The following DSCAML1 variants were observed in gnomAD, a reference collection of about 807,000 sequenced individuals.
The protein encoded by DSCAML1 is cell adhesion molecule DSCAML1.
A neutral mutation model predicts 200.5 loss-of-function variants in DSCAML1; 38 were observed. The observed-to-expected ratio is 0.19, with a 90% CI of 0.15 to 0.25. The LOEUF (loss-of-function observed/expected upper bound fraction) is 0.25. Ranked by LOEUF, DSCAML1 falls within the 10% of genes least tolerant of loss-of-function variation. DSCAML1 has a pLI of 1.00. For missense variants in DSCAML1, 2,223 were observed against 2,858.8 expected, an observed-to-expected ratio of 0.78 and a Z score of 5.07; for synonymous variants, 1,215 against 1,165.0, an observed-to-expected ratio of 1.04 and a Z score of -0.87.
At chr11:117,577,368 C>T (rs2050950173) in intron 3 of DSCAML1, among the ~76,000 whole-genome samples, 1 of 151,982 alleles carries the variant, frequency 6.6e-6, no homozygotes, top group African/African-American at 2.4e-5. Flanking sequence ...ACTATGTAGC[C>T]AAGTAAGATT....
At chr11:117,795,698 C>T (rs11216547) in intron 1 of DSCAML1, among the ~76,000 whole-genome samples, 32,282 of 152,072 alleles carry the variant, frequency 0.21, 3,522 homozygotes, top group Middle Eastern at 0.27. Flanking sequence ...GGCTTTGACC[C>T]GGCAGTATCT....
intron 3 of DSCAML1, among the ~76,000 whole-genome samples, chr11:117,761,660 G>A (rs4344529): frequency 0.69 from 104,455 of 152,098 alleles, 37,995 homozygotes; most frequent in East Asian, 0.84. Context: ...CACTGTAGTC[G>A]AGGAGTTCAA....
At chr11:117,533,948 G>A (rs1478176715) in intron 3 of DSCAML1, among the ~76,000 whole-genome samples, 1 of 152,180 alleles carries the variant, frequency 6.6e-6, no homozygotes, top group Non-Finnish European at 1.5e-5. Flanking sequence ...GGCCCAGGCT[G>A]CCATTTCCAT....
At chr11:117,635,482 G>A (rs1222858069) in intron 3 of DSCAML1, among the ~76,000 whole-genome samples, 2 of 151,822 alleles carry the variant, frequency 1.3e-5, no homozygotes, top group African/African-American at 4.8e-5. Context: ...GTGCGTGTGT[G>A]TTTAATTCTG....
At chr11:117,441,859 C>T (rs1021930960) in intron 21 of DSCAML1, among the ~76,000 whole-genome samples, 4 of 152,036 alleles carry the variant, frequency 2.6e-5, no homozygotes, top group East Asian at 1.9e-4. Context: ...CATGCGGGGG[C>T]GGTGAGAAGC....
intron 3 of DSCAML1, among the ~76,000 whole-genome samples, chr11:117,694,093 AT>A (rs146517305): frequency 6.8e-6 from 1 of 146,372 alleles, no homozygotes; most frequent in South Asian, 2.1e-4. Context: ...ATATATATAT[AT>A]TTTTTAAATT....
chr11:117,455,801 A>T (rs1301323619), intron 19 of DSCAML1, among the ~76,000 whole-genome samples: 1 of 151,220 alleles, frequency 6.6e-6, no homozygotes, highest in East Asian at 1.9e-4. Context: ...TAATAACTGT[A>T]AAAACTTCCA....
intron 11 of DSCAML1, among the ~76,000 whole-genome samples, chr11:117,482,574 T>A (rs1013823971): frequency 6.6e-6 from 1 of 152,222 alleles, no homozygotes; most frequent in African/African-American, 2.4e-5. Flanking sequence ...GTAGCTCGTA[T>A]AATTGCTGTC....
chr11:117,490,379 G>A (rs1383988642), intron 11 of DSCAML1, among the ~76,000 whole-genome samples: 1 of 152,182 alleles, frequency 6.6e-6, no homozygotes, highest in African/African-American at 2.4e-5. Flanking sequence ...CAGCTCTGCT[G>A]CCTCACTCAC....
intron 1 of DSCAML1, among the ~76,000 whole-genome samples, chr11:117,808,900 G>T (rs1487760472): frequency 6.6e-6 from 1 of 152,104 alleles, no homozygotes; most frequent in African/African-American, 2.4e-5. Context: ...TCTCTTTAAT[G>T]AGTTGGATAT....
At position 117,437,549 on chromosome 11, in the gene DSCAML1, G is replaced by A; in HGVS notation, c.4433-140C>T. On this transcript the variant is annotated intron_variant, in intron 25 of 32. Coordinates refer to ENST00000651296, the MANE Select transcript of DSCAML1 (RefSeq NM_020693.4). This position sits in a 1 kb window ranked among gnomAD's most constrained non-coding sequence, Gnocchi z 5.3. ...AGAATACATGTTTGGCACAGATGGG[G>A]TGGGGAAGCCCCAGGGCGCAGAGGA... 9.2e-7 allele frequency: 1 copy of A among 1,088,468 alleles called. No homozygotes were observed. The highest frequency in any genetic ancestry group is 1.3e-6 in the Non-Finnish European group (1 of 759,830). The allele number at this position is 1,088,468 out of a possible 1,614,324, so 67.4% of individuals were successfully genotyped here. A position where few individuals can be genotyped will look rare whatever the true frequency, so the allele number is the denominator to read the frequency against.
intron 3 of DSCAML1, among the ~76,000 whole-genome samples, chr11:117,772,092 T>A (rs2055049043): frequency 6.6e-6 from 1 of 152,040 alleles, no homozygotes; most frequent in Non-Finnish European, 1.5e-5. Context: ...AGAGGGCATG[T>A]GGACGAAGTG....
chr11:117,613,675 G>A (rs912347937), intron 3 of DSCAML1, among the ~76,000 whole-genome samples: 2 of 152,274 alleles, frequency 1.3e-5, no homozygotes, highest in South Asian at 2.1e-4. Context: ...AGACTTTACC[G>A]CGTTAGGCAG....
At chr11:117,756,425 G>A (rs895701269) in intron 3 of DSCAML1, among the ~76,000 whole-genome samples, 2 of 152,196 alleles carry the variant, frequency 1.3e-5, no homozygotes, top group African/African-American at 4.8e-5. Context: ...GAAACTCAGA[G>A]CAAGGAAGCA....
intron 3 of DSCAML1, among the ~76,000 whole-genome samples, chr11:117,754,913 G>A (rs568675730): frequency 3.4e-4 from 52 of 152,284 alleles, no homozygotes; most frequent in Admixed American, 2.5e-3. Context: ...GATCCCCAGC[G>A]TGGGAGGAGC....
At chr11:117,541,567 T>A (rs1399444424) in intron 3 of DSCAML1, among the ~76,000 whole-genome samples, 1 of 152,218 alleles carries the variant, frequency 6.6e-6, no homozygotes, top group African/African-American at 2.4e-5. Context: ...TTGCAATGGT[T>A]TGGGCCACTA....
intron 3 of DSCAML1, among the ~76,000 whole-genome samples, chr11:117,684,196 C>T (rs947646300): frequency 7.2e-5 from 11 of 152,120 alleles, no homozygotes; most frequent in African/African-American, 2.7e-4. Context: ...GTGCCAATCA[C>T]AGGGACCCCA....
chr11:117,472,924 G>A (rs2048713299), intron 14 of DSCAML1, among the ~76,000 whole-genome samples: 1 of 152,144 alleles, frequency 6.6e-6, no homozygotes, highest in African/African-American at 2.4e-5. Flanking sequence ...CCACACCCGG[G>A]ATTCTTAACC....
intron 1 of DSCAML1, among the ~76,000 whole-genome samples, chr11:117,787,433 C>T (rs1172099782): frequency 1.3e-5 from 2 of 151,608 alleles, no homozygotes; most frequent in African/African-American, 4.8e-5. Flanking sequence ...ATAATAATAA[C>T]CTAAAACCGT....
Sources: gnomAD v4.1 joint callset for allele counts (sites outside exome capture counted in the v4.1 genomes callset) on GRCh38, gnomAD v4.1.1 for gene constraint, Gnocchi (gnomAD v3.1) non-coding constraint, MANE v1.5 for transcripts, NCBI Gene and HGNC (gene_info 2026-07-23, HGNC 2026-07-21) for gene names.